Variants in SLC16A10 observed in about 807,000 individuals in gnomAD.
SLC16A10 encodes monocarboxylate transporter 10.
In SLC16A10, 27 loss-of-function variants were observed where a neutral mutation model predicts 40.0. That is an observed-to-expected ratio of 0.67 (90% CI 0.50 to 0.93). SLC16A10 has a LOEUF of 0.93. Among genes scored for constraint, SLC16A10 ranks in the 40% least tolerant of loss-of-function variants. SLC16A10 has a pLI of 0.00. For synonymous variants in SLC16A10, 213 were observed against 249.8 expected, an observed-to-expected ratio of 0.85 and a Z score of 1.39; for missense variants, 529 against 658.2, an observed-to-expected ratio of 0.80 and a Z score of 2.15.
intron 1 of SLC16A10, among the ~76,000 whole-genome samples, chr6:111,091,031 G>A (rs1215257333): frequency 6.6e-6 from 1 of 152,124 alleles, no homozygotes; most frequent in Non-Finnish European, 1.5e-5. Flanking sequence ...CTGTGGCTAA[G>A]CACTTTAGAT....
At chr6:111,197,964 GGAAGGGACAAACATTCAAACCATATCA>G (rs1773107082) in intron 3 of SLC16A10, among the ~76,000 whole-genome samples, 1 of 152,172 alleles carries the variant, frequency 6.6e-6, no homozygotes, top group African/African-American at 2.4e-5. Flanking sequence ...CATGAGATAT[GGAAGGGACAAACATTCAAACCATATCA>G]GAAGCCTATC....
At chr6:111,126,747 A>T (rs1238968773) in intron 1 of SLC16A10, among the ~76,000 whole-genome samples, 1 of 152,180 alleles carries the variant, frequency 6.6e-6, no homozygotes, top group Non-Finnish European at 1.5e-5. Context: ...TGGAGGTAGT[A>T]TAGCACTGTG....
intron 1 of SLC16A10, among the ~76,000 whole-genome samples, chr6:111,165,319 G>C (rs1000748922): frequency 6.6e-6 from 1 of 152,142 alleles, no homozygotes; most frequent in Non-Finnish European, 1.5e-5. Flanking sequence ...GGGAGTCCCA[G>C]GCCATCAGAA....
At chr6:111,150,790 C>G (rs1300133221) in intron 1 of SLC16A10, among the ~76,000 whole-genome samples, 1 of 152,106 alleles carries the variant, frequency 6.6e-6, no homozygotes, top group East Asian at 1.9e-4. Flanking sequence ...CTGAGAAGTC[C>G]CTGAATGGAT....
chr6:111,188,222 A>G (rs1046658843), intron 3 of SLC16A10, among the ~76,000 whole-genome samples: 2 of 151,970 alleles, frequency 1.3e-5, no homozygotes, highest in African/African-American at 2.4e-5. Context: ...CTTAAATACT[A>G]GGGTTTAAAA....
chr6:111,209,843 T>C (rs1203359765), intron 4 of SLC16A10, among the ~76,000 whole-genome samples: 2 of 152,160 alleles, frequency 1.3e-5, no homozygotes, highest in Non-Finnish European at 2.9e-5. Flanking sequence ...GAGAATGGTT[T>C]CTACAGGTGC....
intron 5 of SLC16A10, among the ~76,000 whole-genome samples, chr6:111,221,421 A>C (rs1474234347): frequency 1.3e-5 from 2 of 152,110 alleles, no homozygotes; most frequent in African/African-American, 4.8e-5. Context: ...AATAGTTTTC[A>C]TGTTATTTCA....
intron 1 of SLC16A10, among the ~76,000 whole-genome samples, chr6:111,135,784 G>A (rs753487240): frequency 2.7e-4 from 41 of 152,122 alleles, no homozygotes; most frequent in Non-Finnish European, 5.3e-4. Flanking sequence ...ACTTTTAGCC[G>A]CCCGTTCAGA....
At chr6:111,184,708 T>G (rs1275218071) in intron 3 of SLC16A10, among the ~76,000 whole-genome samples, 1 of 152,170 alleles carries the variant, frequency 6.6e-6, no homozygotes, top group Non-Finnish European at 1.5e-5. Flanking sequence ...CTCAAACTCC[T>G]GACCTCAGGT....
intron 1 of SLC16A10, among the ~76,000 whole-genome samples, chr6:111,100,992 CTATA>C (rs71021826): frequency 0.033 from 2,182 of 66,174 alleles, 14 homozygotes; most frequent in Middle Eastern, 0.06. Flanking sequence ...CTCTCTCTCT[CTATA>C]TATATATATA....
rs1021686414 is a variant in SLC16A10, at chr6:111,225,169, T to G, written c.*2934T>G. The G allele has an allele frequency of 6.6e-6, 1 of 152,216 alleles. No homozygotes were observed. Among genetic ancestry groups the G allele is most frequent in the Non-Finnish European group, 1.5e-5 (1 of 68,034 alleles). 9.4% of individuals were successfully genotyped at this position (152,216 alleles called of 1,614,324 possible). A position where few individuals can be genotyped will look rare whatever the true frequency, so the allele number is the denominator to read the frequency against. On this transcript the variant is annotated 3_prime_UTR_variant, in exon 6 of 6. Transcript: ENST00000368851. ...TTATTGATACTTTATGCAAGATGTG[T>G]TCATCTCTTTGATCATATTTACAAT...
At chr6:111,122,091 C>T (rs1238358321) in intron 1 of SLC16A10, among the ~76,000 whole-genome samples, 2 of 152,172 alleles carry the variant, frequency 1.3e-5, no homozygotes, top group African/African-American at 2.4e-5. Flanking sequence ...TCACCCTCCA[C>T]CTCTTGCTGG....
intron 3 of SLC16A10, among the ~76,000 whole-genome samples, chr6:111,180,978 G>A (rs1376958509): frequency 3.3e-5 from 5 of 152,190 alleles, no homozygotes; most frequent in Non-Finnish European, 7.3e-5. Flanking sequence ...ACTTTGGGAG[G>A]CCAAGGCAGG....
chr6:111,091,940 T>C (rs570569103), intron 1 of SLC16A10, among the ~76,000 whole-genome samples: 67 of 152,280 alleles, frequency 4.4e-4, no homozygotes, highest in Middle Eastern at 3.4e-3. Flanking sequence ...TTAGGATCTG[T>C]TGTGGGATAC....
At chr6:111,163,185 C>G (rs1171205293) in intron 1 of SLC16A10, among the ~76,000 whole-genome samples, 1 of 132,456 alleles carries the variant, frequency 7.5e-6, no homozygotes, top group African/African-American at 2.9e-5. Flanking sequence ...CGGAGTCTCG[C>G]TCTGTCGCCC....
chr6:111,216,566 CTAACTT>C (rs1380611611), intron 4 of SLC16A10, among the ~76,000 whole-genome samples: 2 of 94,464 alleles, frequency 2.1e-5, no homozygotes, highest in Non-Finnish European at 2.0e-5. Context: ...CCACGCCCGG[CTAACTT>C]TTTTTTTTTT....
intron 3 of SLC16A10, among the ~76,000 whole-genome samples, chr6:111,205,185 G>A (rs1252143854): frequency 3.3e-5 from 5 of 152,178 alleles, no homozygotes; most frequent in African/African-American, 9.6e-5. Flanking sequence ...AGTTTTGAAA[G>A]AGAAGAGAAA....
chr6:111,197,188 T>C (rs1773093304), intron 3 of SLC16A10, among the ~76,000 whole-genome samples: 1 of 152,146 alleles, frequency 6.6e-6, no homozygotes, highest in Non-Finnish European at 1.5e-5. Flanking sequence ...CATCATGCCT[T>C]CCAAAGACTG....
At position 111,177,544 on chromosome 6, in the gene SLC16A10, A is replaced by G. The variant is rs759005162; in HGVS notation, c.821A>G (p.Lys274Arg). Residue 274 changes from lysine to arginine, a missense_variant, in exon 3 of 6, where the codon AAA becomes AGA. Lys to Arg is a conservative substitution (Grantham distance 26, BLOSUM62 2). Coordinates refer to ENST00000368851, the MANE Select transcript of SLC16A10 (RefSeq NM_018593.5). ...AGCGGATCCTCCCTCTTTTCCAGGA[A>G]AAAGTTCAGTCCTCCAAAAAAAATT... ...GGSGSSLFSR[K>R]KFSPPKKIFN... The G allele has an allele frequency of 3.9e-5, 63 of 1,613,612 alleles. No individual in the cohort carries two copies. The Admixed American group carries it at 1.0e-3, about 26-fold the overall frequency.
Sources: allele counts gnomAD v4.1 joint callset (sites outside exome capture counted in the v4.1 genomes callset), GRCh38; gene constraint gnomAD v4.1.1; transcripts MANE v1.5; gene names NCBI Gene and HGNC (gene_info 2026-07-23, HGNC 2026-07-21).